GPR155: variants seen among roughly 807,000 people sequenced by gnomAD.
The protein encoded by GPR155 is G protein-coupled receptor 155, also known as lysosomal cholesterol signaling protein.
In GPR155, 65 loss-of-function variants were observed where a neutral mutation model predicts 93.1. That is an observed-to-expected ratio of 0.70 (90% CI 0.57 to 0.86). The LOEUF (loss-of-function observed/expected upper bound fraction) is 0.86. Among genes scored for constraint, GPR155 ranks in the 40% least tolerant of loss-of-function variants. GPR155 has a pLI of 0.00. For missense variants in GPR155, 838 were observed against 1,034.8 expected, an observed-to-expected ratio of 0.81 and a Z score of 2.61; for synonymous variants, 319 against 360.1, an observed-to-expected ratio of 0.89 and a Z score of 1.29.
intron 2 of GPR155, among the ~76,000 whole-genome samples, 165 bp downstream of exon 2, chr2:174,481,332 T>A (rs1172248221): frequency 2.0e-5 from 3 of 152,138 alleles, no homozygotes; most frequent in Non-Finnish European, 4.4e-5. Flanking sequence ...GTTTAAAGGA[T>A]CCTCAAACTC....
chr2:174,451,517 C>T (rs1687320986), intron 11 of GPR155, among the ~76,000 whole-genome samples: 1 of 152,074 alleles, frequency 6.6e-6, no homozygotes, highest in African/African-American at 2.4e-5. Context: ...TTCCTTCAGG[C>T]TTTATTTTAG....
At chr2:174,464,354 TAAA>T (rs907894054) in intron 7 of GPR155, among the ~76,000 whole-genome samples, 1 of 152,058 alleles carries the variant, frequency 6.6e-6, no homozygotes, top group Non-Finnish European at 1.5e-5. Context: ...GATTAAAGTT[TAAA>T]AAAAGTAAAT....
At chr2:174,450,814 A>G (rs1687296052) in intron 11 of GPR155, among the ~76,000 whole-genome samples, 1 of 152,262 alleles carries the variant, frequency 6.6e-6, no homozygotes, top group South Asian at 2.1e-4. Flanking sequence ...ACCACATTTT[A>G]GAAAAGGCCA....
chr2:174,475,064 G>C (rs1179470155), intron 2 of GPR155, among the ~76,000 whole-genome samples: 3 of 151,720 alleles, frequency 2.0e-5, no homozygotes, highest in African/African-American at 7.3e-5. Context: ...GGGAGGCCGA[G>C]GCGGGCGGAT....
chr2:174,467,024 G>C (rs1441725098), intron 5 of GPR155, among the ~76,000 whole-genome samples: 1 of 152,054 alleles, frequency 6.6e-6, no homozygotes, highest in Non-Finnish European at 1.5e-5. Flanking sequence ...GGGCACAGTG[G>C]CGGGCGCCTG....
At position 174,433,072 on chromosome 2, in the gene GPR155, G is replaced by T. The variant is rs985890762; in HGVS notation, c.*3044C>A. On this transcript the variant is annotated 3_prime_UTR_variant, in exon 16 of 16. Coordinates refer to ENST00000392552, the MANE Select transcript of GPR155 (RefSeq NM_152529.7). ...ACCACCGCGCCTGGCCCCCATGCAG[G>T]TTTTTAAAAAACTGTTTATTTGTTG... 6.6e-6 allele frequency: 1 copy of T among 151,974 alleles called. No homozygotes were observed. The highest frequency in any genetic ancestry group is 2.4e-5 in the African/African-American group (1 of 41,360). 9.4% of individuals were successfully genotyped at this position (151,974 alleles called of 1,614,324 possible). A position where few individuals can be genotyped will look rare whatever the true frequency, so the allele number is the denominator to read the frequency against.
At chr2:174,454,247 C>T (rs1281601908) in intron 10 of GPR155, among the ~76,000 whole-genome samples, 1 of 152,166 alleles carries the variant, frequency 6.6e-6, no homozygotes, top group Non-Finnish European at 1.5e-5. Flanking sequence ...AAGCGATTGT[C>T]CCGCCTCAGC....
chr2:174,441,956 C>T (rs1392839291), intron 14 of GPR155, among the ~76,000 whole-genome samples, 163 bp downstream of exon 14: 1 of 151,832 alleles, frequency 6.6e-6, no homozygotes, highest in Non-Finnish European at 1.5e-5. Flanking sequence ...CTATGTTGCC[C>T]AGGCTGGTCT....
At chr2:174,448,324 A>C (rs1043129587) in intron 11 of GPR155, among the ~76,000 whole-genome samples, 15 of 152,124 alleles carry the variant, frequency 9.9e-5, no homozygotes, top group African/African-American at 3.1e-4. Context: ...ACAGTGAGCC[A>C]ACATCGTGCC....
At chr2:174,470,278 C>A in intron 4 of GPR155, 112 bp downstream of exon 4, 5 of 854,268 alleles carry the variant, frequency 5.9e-6, no homozygotes, top group South Asian at 1.9e-5. Context: ...GTGAGACCCC[C>A]GTCGTCTCTA....
chr2:174,440,435 A>G (rs1686922396), intron 14 of GPR155, among the ~76,000 whole-genome samples: 1 of 152,190 alleles, frequency 6.6e-6, no homozygotes, highest in Non-Finnish European at 1.5e-5. Flanking sequence ...ACAGAGACAA[A>G]TACCAAAAAC....
At chr2:174,453,074 G>A (rs1009160640) in intron 11 of GPR155, among the ~76,000 whole-genome samples, 12 of 152,152 alleles carry the variant, frequency 7.9e-5, no homozygotes, top group African/African-American at 2.4e-4. Context: ...GATGAGAATG[G>A]GGGAAAAGTC....
chr2:174,478,074 G>T (rs1688218289), intron 2 of GPR155, among the ~76,000 whole-genome samples: 1 of 152,174 alleles, frequency 6.6e-6, no homozygotes, highest in South Asian at 2.1e-4. Flanking sequence ...TAAATTATAG[G>T]ACTTAACTAT....
chr2:174,446,555 C>G, intron 12 of GPR155, 56 bp downstream of exon 12: 1 of 1,565,730 alleles, frequency 6.4e-7, no homozygotes, highest in Non-Finnish European at 8.7e-7. Flanking sequence ...CTGAATAAAA[C>G]CTTTGCCAAA....
Position 174,446,737 on chromosome 2 carries a change from A to G in GPR155, c.1887T>C (p.Cys629=). ...VIPSFEKNNH[C]VSRCNSQSCI... is the part of the protein sequence containing the mutation. ...AGCTCTGGGAGTTACAGCGACTCAC[A>G]CAATGATTGTCTATAAAAGAGTAAG... Residue 629 remains cysteine (C), a synonymous_variant, in exon 12 of 16, where the codon TGT becomes TGC. Transcript: ENST00000392552. 6 of 1,613,882 alleles carry G rather than the reference A, an allele frequency of 3.7e-6. No homozygotes were observed. Among genetic ancestry groups the G allele is most frequent in the Non-Finnish European group, 4.2e-6 (5 of 1,179,868 alleles).
At position 174,433,183 on chromosome 2, in the gene GPR155, T is replaced by C. The variant is rs1161891120; in HGVS notation, c.*2933A>G. 2 of 152,220 alleles carry C rather than the reference T, an allele frequency of 1.3e-5. No individual in the cohort carries two copies. The highest frequency in any genetic ancestry group is 4.8e-5 in the African/African-American group (2 of 41,452). The allele number at this position is 152,220 out of a possible 1,614,324, so 9.4% of individuals were successfully genotyped here. ...GACACTTAAAGTATAATTAAATAAATATCTGAAACGTTTAAAATAAGTTAA... is the reference window on the plus strand; with the variant it reads ...GACACTTAAAGTATAATTAAATAAACATCTGAAACGTTTAAAATAAGTTAA... On this transcript the variant is annotated 3_prime_UTR_variant, in exon 16 of 16. Coordinates refer to ENST00000392552, the MANE Select transcript of GPR155 (RefSeq NM_152529.7).
intron 15 of GPR155, among the ~76,000 whole-genome samples, chr2:174,438,945 T>C (rs1485095491): frequency 6.6e-6 from 1 of 152,220 alleles, no homozygotes; most frequent in Non-Finnish European, 1.5e-5. Context: ...AGACATTCTG[T>C]CATCTAATTC....
intron 11 of GPR155, among the ~76,000 whole-genome samples, chr2:174,452,202 G>GA (rs914311562): frequency 1.3e-5 from 2 of 151,486 alleles, no homozygotes; most frequent in Admixed American, 1.3e-4. Flanking sequence ...TCTTGTAAAA[G>GA]AAAAAAAAGT....
At chr2:174,436,739 A>G (rs1032872302) in intron 15 of GPR155, among the ~76,000 whole-genome samples, 5 of 152,232 alleles carry the variant, frequency 3.3e-5, no homozygotes, top group African/African-American at 1.2e-4. Context: ...CTGTCCTGTA[A>G]TAGCTGAATA....
Sources: gnomAD v4.1 joint callset for allele counts (sites outside exome capture counted in the v4.1 genomes callset) on GRCh38, gnomAD v4.1.1 for gene constraint, MANE v1.5 for transcripts, NCBI Gene and HGNC (gene_info 2026-07-23, HGNC 2026-07-21) for gene names.